FAM167A: variants seen among roughly 807,000 people sequenced by gnomAD.
FAM167A encodes the protein protein FAM167A.
In FAM167A, 23 loss-of-function variants were observed where a neutral mutation model predicts 14.9. The observed-to-expected ratio is 1.55, with a 90% CI of 1.11 to 2.19. The LOEUF is 2.19. Among genes scored for constraint, FAM167A ranks in the 30% most tolerant of loss-of-function variants. The pLI, the probability that FAM167A is intolerant of heterozygous loss-of-function variation, is 0.00. For synonymous variants in FAM167A, 174 were observed against 117.7 expected (o/e 1.48, Z -3.10); for missense variants, 401 against 281.5 (o/e 1.42, Z -3.04).
chr8:11,433,310 C>A (rs1381398307), intron 2 of FAM167A, among the ~76,000 whole-genome samples: 1 of 152,200 alleles, frequency 6.6e-6, no homozygotes, highest in African/African-American at 2.4e-5. Flanking sequence ...GTTTCTGCTT[C>A]CTAAAATAAA....
chr8:11,453,852 T>C (rs1807124589), intron 1 of FAM167A, among the ~76,000 whole-genome samples: 1 of 152,052 alleles, frequency 6.6e-6, no homozygotes, highest in South Asian at 2.1e-4. Flanking sequence ...GAAGGCTGGG[T>C]CTTCTTACCC....
Position 11,423,277 on chromosome 8 carries a change from G to T in FAM167A, c.*1096C>A, listed in dbSNP as rs922671993. On this transcript the variant is annotated 3_prime_UTR_variant, in exon 3 of 3. Transcript: ENST00000284486. Reference sequence around the variant, plus strand: ...TCTTAACTTGCTGATCCTCAAGCCTGTTGGGAGGGAGAAACTCTTAAAATC... The same window carrying T: ...TCTTAACTTGCTGATCCTCAAGCCTTTTGGGAGGGAGAAACTCTTAAAATC... 4.6e-5 allele frequency: 7 copies of T among 152,530 alleles called. No individual in the cohort carries two copies. Among genetic ancestry groups the T allele is most frequent in the African/African-American group, 1.7e-4 (7 of 41,578 alleles). 9.4% of individuals were successfully genotyped at this position (152,530 alleles called of 1,614,324 possible).
intron 2 of FAM167A, among the ~76,000 whole-genome samples, chr8:11,431,981 G>C (rs1301229216): frequency 1.3e-5 from 2 of 151,910 alleles, no homozygotes; most frequent in African/African-American, 4.8e-5. Context: ...CTCAGTGTGG[G>C]TTTCATGCTG....
intron 2 of FAM167A, among the ~76,000 whole-genome samples, chr8:11,442,006 G>A (rs150139096): frequency 3.9e-5 from 6 of 152,334 alleles, no homozygotes; most frequent in East Asian, 3.9e-4. Context: ...CTAGAGGAGC[G>A]GAAACAGTGC....
chr8:11,463,726 C>A (rs1235253523), intron 1 of FAM167A, among the ~76,000 whole-genome samples: 1 of 152,184 alleles, frequency 6.6e-6, no homozygotes. Flanking sequence ...GAACTTCCGG[C>A]CACACTGAAG....
At chr8:11,449,662 C>G (rs1032698155) in intron 1 of FAM167A, among the ~76,000 whole-genome samples, 3 of 152,228 alleles carry the variant, frequency 2.0e-5, no homozygotes, top group Admixed American at 2.0e-4. Context: ...GGCAGGCCAC[C>G]CAGCAGCAGT....
At chr8:11,452,478 G>C (rs1807065483) in intron 1 of FAM167A, among the ~76,000 whole-genome samples, 1 of 152,194 alleles carries the variant, frequency 6.6e-6, no homozygotes, top group African/African-American at 2.4e-5. Context: ...AGTCCCCAGA[G>C]GGAGAGGGGG....
intron 1 of FAM167A, among the ~76,000 whole-genome samples, chr8:11,460,976 GTCC>G (rs1273451840): frequency 1.0e-4 from 16 of 152,382 alleles, no homozygotes; most frequent in Admixed American, 9.1e-4. Context: ...CTGACGCACA[GTCC>G]TCCTGCAGGA....
intron 1 of FAM167A, among the ~76,000 whole-genome samples, chr8:11,449,000 C>A (rs1806910451): frequency 6.6e-6 from 1 of 152,232 alleles, no homozygotes; most frequent in South Asian, 2.1e-4. Flanking sequence ...GTGGAGAGGC[C>A]TGAGTTGGGG....
chr8:11,453,447 T>C (rs1807103987), intron 1 of FAM167A, among the ~76,000 whole-genome samples: 1 of 152,180 alleles, frequency 6.6e-6, no homozygotes, highest in African/African-American at 2.4e-5. Flanking sequence ...GAGAATCTTG[T>C]GAAGTATGCA....
chr8:11,433,198 G>A (rs956382533), intron 2 of FAM167A, among the ~76,000 whole-genome samples: 3 of 148,196 alleles, frequency 2.0e-5, no homozygotes, highest in African/African-American at 7.5e-5. Context: ...AGAACTTAAA[G>A]TATGATAAAA....
chr8:11,457,647 AAG>A (rs1259137801), intron 1 of FAM167A, among the ~76,000 whole-genome samples: 3 of 152,154 alleles, frequency 2.0e-5, no homozygotes, highest in Non-Finnish European at 2.9e-5. Flanking sequence ...CTTGCTGAGT[AAG>A]AGAGTGGGTA....
chr8:11,459,881 C>T (rs550158701), intron 1 of FAM167A, among the ~76,000 whole-genome samples: 2 of 152,214 alleles, frequency 1.3e-5, no homozygotes, highest in Non-Finnish European at 2.9e-5. Context: ...ACACCCACCA[C>T]CACACCTGGC....
At chr8:11,473,615 G>T (rs1448059457) in intron 1 of FAM167A, among the ~76,000 whole-genome samples, 1 of 152,162 alleles carries the variant, frequency 6.6e-6, no homozygotes, top group Non-Finnish European at 1.5e-5. Flanking sequence ...GGCCAGGGAG[G>T]TGGGGAGGAA....
intron 2 of FAM167A, among the ~76,000 whole-genome samples, chr8:11,438,962 ACCT>A (rs1252056422): frequency 6.6e-6 from 1 of 152,158 alleles, no homozygotes; most frequent in African/African-American, 2.4e-5. Context: ...AGTGCTAGCA[ACCT>A]CCTGTGTGAC....
Position 11,423,401 on chromosome 8 carries a change from A to T in FAM167A, c.*972T>A, listed in dbSNP as rs955393956. The T allele has an allele frequency of 6.6e-5, 10 of 152,634 alleles. No homozygotes were observed. The highest frequency in any genetic ancestry group is 2.4e-5 in the African/African-American group (1 of 41,456). The allele number at this position is 152,634 out of a possible 1,614,324, so 9.5% of individuals were successfully genotyped here. ...ACAACACATCAGTAACAGTCTTATT[A>T]AAACTAGTTGTTTAGGTCAGGCACA... is the stretch of plus-strand genomic sequence containing the variant. On this transcript the variant is annotated 3_prime_UTR_variant, in exon 3 of 3. Transcript: ENST00000284486.
intron 2 of FAM167A, among the ~76,000 whole-genome samples, chr8:11,442,253 G>C (rs1203237997): frequency 1.3e-5 from 2 of 152,140 alleles, no homozygotes; most frequent in South Asian, 4.2e-4. Context: ...AGCATGACTT[G>C]TAGACTCGAG....
chr8:11,435,803 C>T (rs577660730), intron 2 of FAM167A, among the ~76,000 whole-genome samples: 5 of 152,286 alleles, frequency 3.3e-5, no homozygotes, highest in East Asian at 3.9e-4. Flanking sequence ...AATAATTGAC[C>T]GTAATTAAAT....
Position 11,421,942 on chromosome 8 carries a change from T to G in FAM167A, c.*2431A>C. On this transcript the variant is annotated 3_prime_UTR_variant, in exon 3 of 3. Coordinates refer to ENST00000284486, the MANE Select transcript of FAM167A (RefSeq NM_053279.3). ...GGTTAGTTGTGTTCACTGTGCAAAGTAAGGAAGCCAGTCAACACTGGACGA... is the reference window on the plus strand; with the variant it reads ...GGTTAGTTGTGTTCACTGTGCAAAGGAAGGAAGCCAGTCAACACTGGACGA... 2.5e-6 allele frequency: 1 copy of G among 397,912 alleles called. No individual in the cohort carries two copies. Among genetic ancestry groups the G allele is most frequent in the Non-Finnish European group, 4.4e-6 (1 of 225,938 alleles). 24.6% of individuals were successfully genotyped at this position (397,912 alleles called of 1,614,324 possible).
Sources: gnomAD v4.1 joint callset for allele counts (sites outside exome capture counted in the v4.1 genomes callset) on GRCh38, gnomAD v4.1.1 for gene constraint, MANE v1.5 for transcripts, NCBI Gene and HGNC (gene_info 2026-07-23, HGNC 2026-07-21) for gene names.